Variants in RPA3 observed in about 807,000 individuals in gnomAD.
RPA3 encodes the protein replication protein A3, also known as replication protein A 14 kDa subunit.
Under a neutral mutation model 13.7 loss-of-function variants are expected in RPA3, and 24 were observed. That is an observed-to-expected ratio of 1.75 (90% CI 1.27 to 2.46). The LOEUF is 2.46. Among genes scored for constraint, RPA3 ranks in the 30% most tolerant of loss-of-function variants. The probability of loss-of-function intolerance (pLI) is 0.00; values close to 1 mark genes in which losing one functional copy is unlikely to be tolerated. For missense variants in RPA3, 183 were observed against 151.0 expected (o/e 1.21, Z -1.11); for synonymous variants, 59 against 51.2 (o/e 1.15, Z -0.65).
chr7:7,685,696 T>G (rs186916094), intron 4 of RPA3, 134 bp downstream of exon 4: 2 of 152,322 alleles, frequency 1.3e-5, no homozygotes, highest in East Asian at 1.9e-4. Context: ...CTCTTCGAAG[T>G]TGTACTTTTC....
chr7:7,643,105 C>T (rs1024835737), intron 4 of RPA3, among the ~76,000 whole-genome samples: 11 of 152,080 alleles, frequency 7.2e-5, no homozygotes, highest in Admixed American at 2.0e-4. Context: ...TGGCAATTAC[C>T]GAATTTGCTT....
intron 4 of RPA3, among the ~76,000 whole-genome samples, chr7:7,680,244 T>G (rs1779875581): frequency 6.6e-6 from 1 of 152,166 alleles, no homozygotes; most frequent in Non-Finnish European, 1.5e-5. Context: ...GGGTCTAGTT[T>G]TATTCTTCTG....
intron 4 of RPA3, chr7:7,676,097 C>T (rs1035747018): frequency 4.5e-5 from 18 of 398,544 alleles, no homozygotes; most frequent in Admixed American, 2.2e-4. Flanking sequence ...TTCCTTCTTC[C>T]GCAGAAGCAT....
intron 2 of RPA3, among the ~76,000 whole-genome samples, chr7:7,696,789 C>T (rs1780329679): frequency 6.6e-6 from 1 of 152,134 alleles, no homozygotes; most frequent in African/African-American, 2.4e-5. Context: ...ATAGGTAGGG[C>T]CCTGTGAAAC....
At chr7:7,711,861 C>A (rs1001473486) in intron 2 of RPA3, among the ~76,000 whole-genome samples, 2 of 152,044 alleles carry the variant, frequency 1.3e-5, no homozygotes, top group African/African-American at 4.8e-5. Flanking sequence ...TTTAAAAAGT[C>A]CCTTCTTGGA....
chr7:7,691,564 C>A (rs1168329791), intron 2 of RPA3, among the ~76,000 whole-genome samples: 5 of 152,168 alleles, frequency 3.3e-5, no homozygotes, highest in Non-Finnish European at 7.4e-5. Context: ...AACTCTGCTG[C>A]TTATTTTCTT....
intron 2 of RPA3, among the ~76,000 whole-genome samples, chr7:7,708,730 C>T (rs1026247247): frequency 3.9e-5 from 6 of 152,076 alleles, no homozygotes; most frequent in East Asian, 1.9e-4. Context: ...TTGACTGAAA[C>T]GAGCAACTAT....
At chr7:7,663,795 A>G (rs1383387460) in intron 4 of RPA3, among the ~76,000 whole-genome samples, 1 of 152,196 alleles carries the variant, frequency 6.6e-6, no homozygotes, top group Admixed American at 6.5e-5. Flanking sequence ...TACCAGAAGC[A>G]TTTTTATGGA....
intron 4 of RPA3, among the ~76,000 whole-genome samples, chr7:7,670,336 C>G (rs1779574899): frequency 6.6e-6 from 1 of 152,128 alleles, no homozygotes; most frequent in Non-Finnish European, 1.5e-5. Context: ...AGAGGAGCCA[C>G]TTCGTAAAGG....
In RPA3 at chr7:7,640,668, A is replaced by C; in HGVS notation, c.-250T>G. On this transcript the variant is annotated 5_prime_UTR_variant, in exon 5 of 8. Transcript: ENST00000223129. Reference sequence around the variant, plus strand: ...CGCGGCGTCCCGGAAGTTGACAGATACAGGGCGAGAGGCAGTGGAGGCGGG... The same window carrying C: ...CGCGGCGTCCCGGAAGTTGACAGATCCAGGGCGAGAGGCAGTGGAGGCGGG... 1 of 511,234 alleles carries C rather than the reference A, an allele frequency of 2.0e-6. No individual in the cohort carries two copies. The highest frequency in any genetic ancestry group is 3.5e-5 in the Admixed American group (1 of 28,706). The allele number at this position is 511,234 out of a possible 1,614,324, so 31.7% of individuals were successfully genotyped here.
intron 4 of RPA3, among the ~76,000 whole-genome samples, chr7:7,680,648 A>T (rs1779886048): frequency 6.6e-6 from 1 of 152,040 alleles, no homozygotes; most frequent in Admixed American, 6.6e-5. Flanking sequence ...CATTTTAACA[A>T]TACTGATTCT....
At chr7:7,685,440 G>A (rs965224893) in intron 4 of RPA3, among the ~76,000 whole-genome samples, 3 of 151,760 alleles carry the variant, frequency 2.0e-5, no homozygotes, top group South Asian at 2.1e-4. Flanking sequence ...CTTCCGAGTA[G>A]CTGGGACTAC....
intron 4 of RPA3, among the ~76,000 whole-genome samples, chr7:7,675,775 C>A (rs1275039968): frequency 6.6e-6 from 1 of 152,136 alleles, no homozygotes; most frequent in East Asian, 1.9e-4. Flanking sequence ...CGTCGTAGTT[C>A]CAGGATAGCA....
chr7:7,656,686 T>C (rs537179101), intron 4 of RPA3, among the ~76,000 whole-genome samples: 1 of 152,356 alleles, frequency 6.6e-6, no homozygotes, highest in East Asian at 1.9e-4. Context: ...ATGGTGTATA[T>C]GTGCCACATT....
intron 4 of RPA3, among the ~76,000 whole-genome samples, chr7:7,664,677 T>C (rs1299192842): frequency 6.6e-6 from 1 of 152,230 alleles, no homozygotes; most frequent in Admixed American, 6.5e-5. Flanking sequence ...AACTCAAGGC[T>C]ACCTAGTCTG....
In RPA3 at chr7:7,640,646, G is replaced by GC; in HGVS notation, c.-229_-228insG. 1.8e-6 allele frequency: 1 copy of GC among 542,904 alleles called. No individual in the cohort carries two copies. The highest frequency in any genetic ancestry group is 3.3e-6 in the Non-Finnish European group (1 of 304,284). 33.6% of individuals were successfully genotyped at this position (542,904 alleles called of 1,614,324 possible). ...GGAGATTGGCTGCTTAGTGACGCGC[G>GC]GCGTCCCGGAAGTTGACAGATACAG... On this transcript the variant is annotated 5_prime_UTR_variant, in exon 5 of 8. Coordinates refer to ENST00000223129, the MANE Select transcript of RPA3 (RefSeq NM_002947.5).
chr7:7,690,159 G>A (rs1780140098), intron 2 of RPA3, among the ~76,000 whole-genome samples: 1 of 152,144 alleles, frequency 6.6e-6, no homozygotes, highest in African/African-American at 2.4e-5. Context: ...TATTAAGTCA[G>A]CAATTCTGCT....
intron 4 of RPA3, among the ~76,000 whole-genome samples, chr7:7,653,330 G>A (rs1197774544): frequency 6.6e-6 from 1 of 152,144 alleles, no homozygotes; most frequent in African/African-American, 2.4e-5. Context: ...GACACTAAAG[G>A]CTGTAAATTG....
chr7:7,668,743 T>C (rs1274015476), intron 4 of RPA3, among the ~76,000 whole-genome samples: 1 of 152,222 alleles, frequency 6.6e-6, no homozygotes, highest in Non-Finnish European at 1.5e-5. Context: ...TGAATGTTAG[T>C]GATACATACA....
Sources: allele counts gnomAD v4.1 joint callset (sites outside exome capture counted in the v4.1 genomes callset), GRCh38; gene constraint gnomAD v4.1.1; transcripts MANE v1.5; gene names NCBI Gene and HGNC (gene_info 2026-07-23, HGNC 2026-07-21).